Variants in TENM3 observed in about 807,000 individuals in gnomAD.
TENM3 encodes teneurin-3.
TENM3 carries 63 observed loss-of-function variants against 255.1 expected under a neutral mutation model. The observed-to-expected ratio is 0.25, with a 90% CI of 0.20 to 0.30. TENM3 has a LOEUF of 0.30. TENM3 is among the 10% of genes least tolerant of loss of function. The probability of loss-of-function intolerance (pLI) is 1.00; values close to 1 mark genes in which losing one functional copy is unlikely to be tolerated. For missense variants in TENM3, 2,929 were observed against 3,461.1 expected (o/e 0.85, Z 3.86); for synonymous variants, 1,306 against 1,322.3 (o/e 0.99, Z 0.27).
In TENM3 at chr4:182,789,387, A is replaced by G; in HGVS notation, c.5599A>G (p.Lys1867Glu). The G allele has an allele frequency of 1.2e-6, 2 of 1,607,898 alleles. No individual in the cohort carries two copies. Among genetic ancestry groups the G allele is most frequent in the Non-Finnish European group, 1.7e-6 (2 of 1,175,230 alleles). The change falls in exon 25 of 28, where the codon AAG (lysine) becomes GAG (glutamate). Residue 1867 changes from lysine to glutamate, a missense_variant and splice_region_variant. Physicochemically the swap from Lys to Glu is moderately conservative, Grantham distance 56. This residue lies in a region of TENM3 where 303 missense variants were observed against 425.2 expected (regional missense o/e 0.71). Transcript: ENST00000511685. The surrounding 1 kb of genome is among the most constrained non-coding windows in gnomAD (Gnocchi z 4.4). The part of the protein sequence containing the change: ...GKTWSYTYLE[K>E]SMVLLLHSQR... ...AACATGGAGTTACACATATTTAGAA[A>G]AGGTATGCCTGCAAACTAAGCTCAA...
intron 1 of TENM3, chr4:182,144,764 G>C (rs1749799695): frequency 6.8e-6 from 1 of 147,704 alleles, no homozygotes; most frequent in African/African-American, 2.5e-5. Flanking sequence ...GGTAAGTGCG[G>C]CGCCGCCGCC....
chr4:181,879,094 AAT>A, the TENM3 span, among the ~76,000 whole-genome samples: 1 of 152,178 alleles, frequency 6.6e-6, no homozygotes, highest in South Asian at 2.1e-4. Context: ...TATCCCAGTA[AAT>A]ATCTCTCTGG....
chr4:181,815,823 G>C, the TENM3 span, among the ~76,000 whole-genome samples: 1 of 152,234 alleles, frequency 6.6e-6, no homozygotes, highest in South Asian at 2.1e-4. Context: ...ATGGCCAAAA[G>C]TAAGTCTTCA....
At chr4:181,542,867 CA>C in the TENM3 span, among the ~76,000 whole-genome samples, 1 of 152,052 alleles carries the variant, frequency 6.6e-6, no homozygotes, top group African/African-American at 2.4e-5. Flanking sequence ...GTCCGTGATC[CA>C]AAAAAACCAA....
intron 3 of TENM3, among the ~76,000 whole-genome samples, chr4:182,524,437 C>T (rs1738923091): frequency 7.2e-6 from 1 of 139,740 alleles, no homozygotes; most frequent in Non-Finnish European, 1.5e-5. Flanking sequence ...CCACGGTTCA[C>T]TCTATCCACC....
chr4:182,434,334 C>T (rs1162759587), intron 3 of TENM3, among the ~76,000 whole-genome samples: 1 of 152,084 alleles, frequency 6.6e-6, no homozygotes, highest in African/African-American at 2.4e-5. Context: ...GCATGTAGAA[C>T]TTTATAGTTG....
chr4:182,306,679 C>T (rs907000110), intron 1 of TENM3, among the ~76,000 whole-genome samples: 5 of 152,136 alleles, frequency 3.3e-5, no homozygotes, highest in Non-Finnish European at 7.3e-5. Context: ...TTGCCAATAA[C>T]ATAATGGTAG....
intron 24 of TENM3, among the ~76,000 whole-genome samples, chr4:182,785,812 A>T (rs1765607385): frequency 6.7e-6 from 1 of 150,084 alleles, no homozygotes; most frequent in Admixed American, 6.6e-5. Context: ...TTGCCCTGAC[A>T]TCATAAAGAT....
At chr4:182,029,156 G>A in the TENM3 span, among the ~76,000 whole-genome samples, 6 of 151,992 alleles carry the variant, frequency 3.9e-5, no homozygotes, top group Non-Finnish European at 2.9e-5. Context: ...CTGGTGAAGC[G>A]GGAATTTGCA....
intron 1 of TENM3, among the ~76,000 whole-genome samples, chr4:182,198,838 A>G (rs1287548008): frequency 6.6e-6 from 1 of 152,196 alleles, no homozygotes; most frequent in Non-Finnish European, 1.5e-5. Context: ...GGTCTGAGAC[A>G]TTTTGTAAAG....
chr4:182,181,906 TTTTTGTTTTTAG>T (rs1411563290), intron 1 of TENM3, among the ~76,000 whole-genome samples: 2 of 151,534 alleles, frequency 1.3e-5, no homozygotes, highest in East Asian at 1.9e-4. Flanking sequence ...TTTTTTTTAA[TTTTTGTTTTTAG>T]TTTTGTTTTT....
In TENM3 at chr4:182,799,517, C is replaced by T; in HGVS notation, c.7345-79C>T. ...TTCCATGCATGCCCCGGCGCTGCCC[C>T]CAGAGTCCCGTGTGTGGGTCAGGAG... On this transcript the variant is annotated intron_variant, in intron 27 of 27. Transcript: ENST00000511685. This position sits in a 1 kb window ranked among gnomAD's most constrained non-coding sequence, Gnocchi z 4.2. The T allele has an allele frequency of 6.7e-7, 1 of 1,491,854 alleles. No individual in the cohort carries two copies. Among genetic ancestry groups the T allele is most frequent in the Non-Finnish European group, 8.8e-7 (1 of 1,130,578 alleles). 92.4% of individuals were successfully genotyped at this position (1,491,854 alleles called of 1,614,324 possible).
intron 3 of TENM3, among the ~76,000 whole-genome samples, chr4:182,403,406 G>A (rs559288223): frequency 7.9e-5 from 12 of 152,266 alleles, no homozygotes; most frequent in African/African-American, 2.9e-4. Flanking sequence ...ACTTGCCACA[G>A]GCCTGATGCA....
At chr4:182,198,130 A>C (rs994932898) in intron 1 of TENM3, among the ~76,000 whole-genome samples, 5 of 152,080 alleles carry the variant, frequency 3.3e-5, no homozygotes, top group Non-Finnish European at 4.4e-5. Flanking sequence ...AAAATAAATA[A>C]AATTTAAAAA....
chr4:182,556,025 C>A (rs1021608335), intron 3 of TENM3, among the ~76,000 whole-genome samples: 1 of 152,084 alleles, frequency 6.6e-6, no homozygotes, highest in African/African-American at 2.4e-5. Flanking sequence ...CTTTCTCTGA[C>A]CAAATATGCC....
the TENM3 span, among the ~76,000 whole-genome samples, chr4:181,816,376 G>A: frequency 6.6e-6 from 1 of 152,086 alleles, no homozygotes; most frequent in African/African-American, 2.4e-5. Context: ...AAGAACTGGA[G>A]TCAAAGGAAA....
chr4:182,584,597 T>A (rs1745817463), intron 3 of TENM3, among the ~76,000 whole-genome samples: 1 of 152,210 alleles, frequency 6.6e-6, no homozygotes, highest in Non-Finnish European at 1.5e-5. Context: ...TTTAAATAAA[T>A]GATATTAATA....
chr4:181,740,015 T>C, the TENM3 span, among the ~76,000 whole-genome samples: 1 of 152,182 alleles, frequency 6.6e-6, no homozygotes, highest in Non-Finnish European at 1.5e-5. Flanking sequence ...CTGAATTTAG[T>C]TTTCAGAAAT....
intron 1 of TENM3, among the ~76,000 whole-genome samples, chr4:182,213,011 G>T (rs1476532612): frequency 6.6e-6 from 1 of 152,166 alleles, no homozygotes; most frequent in African/African-American, 2.4e-5. Context: ...TGATGTTCCA[G>T]ATTTTAAGCA....
Sources: gnomAD v4.1 joint callset for allele counts (sites outside exome capture counted in the v4.1 genomes callset) on GRCh38, gnomAD v4.1.1 for gene constraint, gnomAD v4.1.1 regional missense constraint, Gnocchi (gnomAD v3.1) non-coding constraint, MANE v1.5 for transcripts, NCBI Gene and HGNC (gene_info 2026-07-23, HGNC 2026-07-21) for gene names.